FAM72A: variants seen among roughly 807,000 people sequenced by gnomAD.
FAM72A encodes the protein regulator of UNG2 and MKLN1 interacting yippee protein 1, also known as protein FAM72A.
FAM72A carries 1 observed loss-of-function variant against 11.3 expected under a neutral mutation model. The observed-to-expected ratio is 0.09, with a 90% CI of 0.03 to 0.42. The LOEUF is 0.42. Among genes scored for constraint, FAM72A ranks in the 10% least tolerant of loss-of-function variants. The pLI is 0.98. For missense variants in FAM72A, 15 were observed against 135.5 expected, an observed-to-expected ratio of 0.11 and a Z score of 4.41; for synonymous variants, 5 against 46.9, an observed-to-expected ratio of 0.11 and a Z score of 3.65.
At chr1:206,198,654 A>G (rs114856350) in intron 2 of FAM72A, among the ~76,000 whole-genome samples, 6,103 of 151,916 alleles carry the variant, frequency 0.04, 168 homozygotes, top group Non-Finnish European at 0.044. Flanking sequence ...TCTACTCAAA[A>G]GATTATAGTA....
At chr1:206,190,639 G>A (rs1553297417) in intron 3 of FAM72A, among the ~76,000 whole-genome samples, 1 of 127,840 alleles carries the variant, frequency 7.8e-6, no homozygotes, top group Non-Finnish European at 1.6e-5. Flanking sequence ...GGAGGCCAAG[G>A]TGGGCAGATC....
chr1:206,200,197 G>A (rs1228055878), intron 1 of FAM72A, among the ~76,000 whole-genome samples: 3 of 150,608 alleles, frequency 2.0e-5, no homozygotes, highest in Admixed American at 1.3e-4. Context: ...ACATGGGTGT[G>A]CAAATATCTC....
intron 2 of FAM72A, among the ~76,000 whole-genome samples, chr1:206,196,773 T>C (rs1402446521): frequency 6.6e-6 from 1 of 151,138 alleles, no homozygotes; most frequent in Non-Finnish European, 1.5e-5. Flanking sequence ...TGATTATAAG[T>C]ACCTCAGTCT....
At chr1:206,194,498 A>C (rs1175857750) in intron 3 of FAM72A, among the ~76,000 whole-genome samples, 1 of 151,940 alleles carries the variant, frequency 6.6e-6, no homozygotes, top group Non-Finnish European at 1.5e-5. Context: ...ATAGCATCAC[A>C]TGCTACAGAG....
chr1:206,196,622 C>G (rs1665071247), intron 2 of FAM72A, among the ~76,000 whole-genome samples: 1 of 113,868 alleles, frequency 8.8e-6, no homozygotes. Flanking sequence ...GGTAGGAAGA[C>G]AGCATGAGTC....
At chr1:206,198,951 G>T (rs1665220778) in intron 2 of FAM72A, among the ~76,000 whole-genome samples, 1 of 151,288 alleles carries the variant, frequency 6.6e-6, no homozygotes, top group Non-Finnish European at 1.5e-5. Flanking sequence ...GCATGGTGGT[G>T]CGTGCATGTA....
At chr1:206,189,472 C>T (rs782759926) in intron 3 of FAM72A, among the ~76,000 whole-genome samples, 1 of 133,252 alleles carries the variant, frequency 7.5e-6, no homozygotes, top group Admixed American at 7.8e-5. Flanking sequence ...CCCACCCCCA[C>T]CCTAAGAATG....
chr1:206,190,807 G>T (rs541562594), intron 3 of FAM72A, among the ~76,000 whole-genome samples: 10 of 151,080 alleles, frequency 6.6e-5, no homozygotes, highest in Non-Finnish European at 1.5e-4. Flanking sequence ...GGAGGTCGAG[G>T]CTGCAGTGAG....
intron 3 of FAM72A, among the ~76,000 whole-genome samples, chr1:206,195,018 ATAAGTATTTTTTGAT>A (rs1665004323): frequency 5.3e-5 from 1 of 18,736 alleles, no homozygotes; most frequent in African/African-American, 2.2e-4. Flanking sequence ...TCTCGGCCGA[ATAAGTATTTTTTGAT>A]TAAGGTATGC....
rs1357552507 is a variant in FAM72A at position 206,187,338 on chromosome 1, T to C, written c.391A>G (p.Ile131Val). 6.2e-7 allele frequency: 1 copy of C among 1,611,466 alleles called. No individual in the cohort carries two copies. The highest frequency in any genetic ancestry group is 8.5e-7 in the Non-Finnish European group (1 of 1,179,668). Residue 131 changes from isoleucine to valine, a missense_variant, in exon 4 of 4, where the codon ATA becomes GTA. Physicochemically the swap from Ile to Val is conservative, Grantham distance 29. This residue lies in a region of FAM72A where 10 missense variants were observed against 35.1 expected (regional missense o/e 0.29). Transcript: ENST00000367128. Reference protein sequence around the residue: ...NVLLWGNLPEIEESTDEDVLN... With the variant: ...NVLLWGNLPEVEESTDEDVLN... Reference sequence around the variant, plus strand: ...ACATCTTCATCTGTACTCTCTTCTATCTCTGGCAAGTTGCCCCAAAGTAGG... The same window carrying C: ...ACATCTTCATCTGTACTCTCTTCTACCTCTGGCAAGTTGCCCCAAAGTAGG...
chr1:206,198,102 G>A (rs1571535307), intron 2 of FAM72A, among the ~76,000 whole-genome samples: 1 of 151,058 alleles, frequency 6.6e-6, no homozygotes, highest in East Asian at 1.9e-4. Context: ...GGTGGCTCAC[G>A]CCTGTAATCC....
Position 206,198,358 on chromosome 1 carries a change from C to T in FAM72A, c.230+1449G>A, listed in dbSNP as rs181002866. On this transcript the variant is annotated intron_variant, in intron 2 of 3. Coordinates refer to ENST00000367128, the MANE Select transcript of FAM72A (RefSeq NM_001123168.3). ...TAGCCTGGGTGACAGAGCAAAACTC[C>T]GTCTTAAAAAAAAAAAAAAAGAAAG... Among the ~76,000 whole-genome samples, 864 of 149,568 alleles carry T rather than the reference C, an allele frequency of 5.8e-3. 14 individuals are homozygous for T. The highest frequency in any genetic ancestry group is 0.02 in the African/African-American group (828 of 40,708).
At chr1:206,203,514 T>A (rs1665512746), upstream of FAM72A, 1 of 492,774 alleles carries the variant, frequency 2.0e-6, no homozygotes, top group Non-Finnish European at 3.6e-6. Flanking sequence ...CCCGGCGGGG[T>A]CCTGCGGAGT....
chr1:206,198,368 A>G, intron 2 of FAM72A, among the ~76,000 whole-genome samples: 1 of 151,652 alleles, frequency 6.6e-6, no homozygotes, highest in Non-Finnish European at 1.5e-5. Context: ...CGTCTTAAAA[A>G]AAAAAAAAAA....
At chr1:206,203,774 G>T (rs1553300004), upstream of FAM72A, 1 of 1,508,122 alleles carries the variant, frequency 6.6e-7, no homozygotes, top group Non-Finnish European at 8.9e-7. Context: ...CGCCTTAGCG[G>T]TGCCGCCCGG....
upstream of FAM72A, chr1:206,203,221 C>T (rs1282335402): frequency 5.6e-6 from 2 of 359,912 alleles, no homozygotes; most frequent in Non-Finnish European, 9.9e-6. Flanking sequence ...CCCGCAACAC[C>T]CCTCCTCTCT....
chr1:206,197,845 CG>C (rs1338416212), intron 2 of FAM72A, among the ~76,000 whole-genome samples: 1 of 151,330 alleles, frequency 6.6e-6, no homozygotes, highest in Non-Finnish European at 1.5e-5. Flanking sequence ...ACCCAGAAGA[CG>C]GAGGTTGCAG....
At chr1:206,191,739 T>TA in intron 3 of FAM72A, among the ~76,000 whole-genome samples, 1 of 144,710 alleles carries the variant, frequency 6.9e-6, no homozygotes, top group African/African-American at 2.6e-5. Flanking sequence ...TTTTTTTTTT[T>TA]TTTTTTGAGA....
At position 206,193,211 on chromosome 1, in the gene FAM72A, C is replaced by A. The variant is rs536987910; in HGVS notation, c.355+2541G>T. 9.9e-3 allele frequency among the ~76,000 whole-genome samples: 1,501 copies of A among 151,246 alleles called. 26 individuals are homozygous for A. The highest frequency in any genetic ancestry group is 0.034 in the African/African-American group (1,413 of 41,228). ...TACAGGCGTGAGCCACCGCGCCCGG[C>A]CTCTTATTCCTTTTTTTTTTTCAGA... On this transcript the variant is annotated intron_variant, in intron 3 of 3. Coordinates refer to ENST00000367128, the MANE Select transcript of FAM72A (RefSeq NM_001123168.3).
Sources: allele counts gnomAD v4.1 joint callset (sites outside exome capture counted in the v4.1 genomes callset), GRCh38; gene constraint gnomAD v4.1.1; regional missense constraint gnomAD v4.1.1; transcripts MANE v1.5; gene names NCBI Gene and HGNC (gene_info 2026-07-23, HGNC 2026-07-21).